The following MOCOS variants were observed in gnomAD, a reference collection of about 807,000 sequenced individuals.
The protein encoded by MOCOS is human molybdenum cofactor sulfurase.
A neutral mutation model predicts 83.6 loss-of-function variants in MOCOS; 86 were observed. The observed-to-expected ratio is 1.03, with a 90% confidence interval of 0.86 to 1.23. The LOEUF is 1.23. Among genes scored for constraint, MOCOS ranks in the 50% most tolerant of loss-of-function variants. MOCOS has a pLI of 0.00. For missense variants in MOCOS, 1,120 were observed against 1,126.9 expected, an observed-to-expected ratio of 0.99 and a Z score of 0.09; for synonymous variants, 445 against 434.7, an observed-to-expected ratio of 1.02 and a Z score of -0.29.
intron 9 of MOCOS, among the ~76,000 whole-genome samples, chr18:36,228,865 C>T (rs75356835): frequency 0.097 from 14,718 of 150,968 alleles, 854 homozygotes; most frequent in Non-Finnish European, 0.13. Context: ...GATGAGATCT[C>T]GCCATGTTTC....
intron 9 of MOCOS, among the ~76,000 whole-genome samples, chr18:36,245,187 CT>C (rs571755408): frequency 9.9e-5 from 15 of 151,842 alleles, no homozygotes; most frequent in Middle Eastern, 3.4e-3. Flanking sequence ...GCCTGAATAC[CT>C]TTTTTTTATT....
chr18:36,221,936 G>T (rs1244971995), intron 9 of MOCOS, among the ~76,000 whole-genome samples: 1 of 152,060 alleles, frequency 6.6e-6, no homozygotes, highest in African/African-American at 2.4e-5. Flanking sequence ...TGTTGGTAAG[G>T]CTGGTCTCGA....
chr18:36,203,605 C>A (rs2091423061), intron 5 of MOCOS, among the ~76,000 whole-genome samples: 1 of 152,198 alleles, frequency 6.6e-6, no homozygotes, highest in South Asian at 2.1e-4. Context: ...GCCTTCCAGG[C>A]CAGGGAGCTG....
At chr18:36,267,938 G>A (rs537367313) in intron 14 of MOCOS, among the ~76,000 whole-genome samples, 1 of 152,172 alleles carries the variant, frequency 6.6e-6, no homozygotes, top group South Asian at 2.1e-4. Context: ...CCTAGCCTGG[G>A]GCCTGGAACA....
Position 36,195,280 on chromosome 18 carries a change from G to A in MOCOS, c.166G>A (p.Gly56Ser). 6.2e-7 allele frequency: 1 copy of A among 1,614,102 alleles called. No homozygotes were observed. Among genetic ancestry groups the A allele is most frequent in the South Asian group, 1.1e-5 (1 of 91,068 alleles). Residue 56 changes from glycine (G) to serine (S), a missense_variant, in exon 2 of 15, where the codon GGT (glycine) becomes AGT (serine). Gly to Ser is a moderately conservative substitution (Grantham distance 56). Transcript: ENST00000261326. ...AGGAACTGTCTATCTTGACCATGCA[G>A]GTGCCACCTTGTTCTCCCAGAGCCA... is the stretch of plus-strand genomic sequence containing the variant. ...LAGTVYLDHA[G>S]ATLFSQSQLE...
At chr18:36,204,149 T>C (rs1331638683) in intron 5 of MOCOS, among the ~76,000 whole-genome samples, 1 of 152,248 alleles carries the variant, frequency 6.6e-6, no homozygotes, top group Non-Finnish European at 1.5e-5. Context: ...ACATTCACAA[T>C]GTCGTGCCAC....
chr18:36,196,732 G>T (rs914149275), intron 2 of MOCOS, among the ~76,000 whole-genome samples: 2 of 151,952 alleles, frequency 1.3e-5, no homozygotes, highest in Admixed American at 1.3e-4. Flanking sequence ...GCAGAGTTGA[G>T]ATTGCAGGTG....
At chr18:36,241,218 G>A (rs1337379643) in intron 9 of MOCOS, among the ~76,000 whole-genome samples, 1 of 152,130 alleles carries the variant, frequency 6.6e-6, no homozygotes, top group Non-Finnish European at 1.5e-5. Flanking sequence ...ACAGTCCAAA[G>A]TCTCATCTGA....
At chr18:36,254,395 C>T (rs1157971113) in intron 11 of MOCOS, among the ~76,000 whole-genome samples, 1 of 151,084 alleles carries the variant, frequency 6.6e-6, no homozygotes, top group African/African-American at 2.4e-5. Flanking sequence ...CTCAATACTG[C>T]AGCATTTTTT....
intron 9 of MOCOS, among the ~76,000 whole-genome samples, chr18:36,227,910 A>G (rs955921284): frequency 3.3e-5 from 5 of 152,222 alleles, no homozygotes; most frequent in African/African-American, 1.2e-4. Context: ...AGCCTATAGA[A>G]TGGGAGAAAA....
At chr18:36,190,895 G>A (rs59414197) in intron 1 of MOCOS, among the ~76,000 whole-genome samples, 22,383 of 151,706 alleles carry the variant, frequency 0.15, 1,879 homozygotes, top group East Asian at 0.32. Context: ...AAATTAGCCC[G>A]GTGTGGTGGC....
intron 9 of MOCOS, among the ~76,000 whole-genome samples, chr18:36,221,533 T>C (rs1405968662): frequency 6.6e-6 from 1 of 152,186 alleles, no homozygotes; most frequent in East Asian, 1.9e-4. Flanking sequence ...CCCATTCCAC[T>C]AACTTGCAGT....
chr18:36,214,467 A>T (rs1313225548), intron 7 of MOCOS, among the ~76,000 whole-genome samples: 1 of 151,870 alleles, frequency 6.6e-6, no homozygotes, highest in African/African-American at 2.4e-5. Context: ...TGCGGTGTGG[A>T]ACTCTTCTAG....
At chr18:36,212,547 G>T (rs2091459140) in intron 6 of MOCOS, among the ~76,000 whole-genome samples, 1 of 152,194 alleles carries the variant, frequency 6.6e-6, no homozygotes, top group African/African-American at 2.4e-5. Flanking sequence ...TTAGCCAAGG[G>T]TGAAGGAACA....
chr18:36,213,598 CTG>C (rs1397234518), intron 7 of MOCOS, 116 bp downstream of exon 7: 1 of 852,300 alleles, frequency 1.2e-6, no homozygotes, highest in African/African-American at 1.7e-5. Flanking sequence ...CACGCCTACT[CTG>C]TGCATGTACA....
Position 36,258,619 on chromosome 18 carries a change from T to C in MOCOS, c.2271-1418T>C, listed in dbSNP as rs572665626. Among the ~76,000 whole-genome samples, 34 of 152,270 alleles carry C rather than the reference T, an allele frequency of 2.2e-4. No homozygotes were observed. In the South Asian group the frequency reaches 5.0e-3, roughly 22 times the overall value. On this transcript the variant is annotated intron_variant, in intron 12 of 14. Coordinates refer to ENST00000261326, the MANE Select transcript of MOCOS (RefSeq NM_017947.4). ...TCCCAACCCCATAGTCTTTCAACCC[T>C]GTCTCTGGCGCATACTCTAACCATG... is the stretch of plus-strand genomic sequence containing the variant.
At chr18:36,199,459 A>G (rs2091402667) in intron 3 of MOCOS, among the ~76,000 whole-genome samples, 1 of 152,258 alleles carries the variant, frequency 6.6e-6, no homozygotes. Context: ...TTTGTCATAC[A>G]TATCCAATTG....
intron 13 of MOCOS, among the ~76,000 whole-genome samples, chr18:36,265,957 G>A (rs148295708): frequency 1.9e-3 from 292 of 152,264 alleles, no homozygotes; most frequent in African/African-American, 5.9e-3. Context: ...TGACGTTAAT[G>A]ATGTTAACAA....
intron 13 of MOCOS, among the ~76,000 whole-genome samples, chr18:36,266,384 C>T (rs1205171315): frequency 6.6e-6 from 1 of 152,104 alleles, no homozygotes; most frequent in African/African-American, 2.4e-5. Flanking sequence ...GAACAGTCCG[C>T]CTCTGCCTCC....
Sources: gnomAD v4.1 joint callset for allele counts (sites outside exome capture counted in the v4.1 genomes callset) on GRCh38, gnomAD v4.1.1 for gene constraint, MANE v1.5 for transcripts, NCBI Gene and HGNC (gene_info 2026-07-23, HGNC 2026-07-21) for gene names.